Variants in GRIK5 observed in about 807,000 individuals in gnomAD.
The protein encoded by GRIK5 is glutamate receptor ionotropic, kainate 5.
In GRIK5, 43 loss-of-function variants were observed where a neutral mutation model predicts 97.4. That is an observed-to-expected ratio of 0.44 (90% CI 0.35 to 0.57). The LOEUF is 0.57. Ranked by LOEUF, GRIK5 falls within the 20% of genes least tolerant of loss-of-function variation. GRIK5 has a pLI of 0.01. For missense variants in GRIK5, 1,015 were observed against 1,382.0 expected (o/e 0.73, Z 4.21); for synonymous variants, 580 against 583.5 (o/e 0.99, Z 0.09).
chr19:42,066,473 GA>G (rs754077238), intron 1 of GRIK5, among the ~76,000 whole-genome samples: 4,856 of 127,246 alleles, frequency 0.038, 238 homozygotes, highest in African/African-American at 0.12. Context: ...GTAAAAGGGG[GA>G]AAAAAAAAAA....
In GRIK5 at chr19:42,054,397, TCTC is replaced by T; in HGVS notation, c.976_978del (p.Glu326del). On this transcript the variant is annotated inframe_deletion, in exon 9 of 20. Coordinates refer to ENST00000593562, the MANE Select transcript of GRIK5 (RefSeq NM_002088.5). ...GTACAGGCCAGAGGCTTCACACCGA[TCTC>T]CTGGCTGCGGTTCAGCTCTCGGACA... 1 of 1,613,664 alleles carries T rather than the reference TCTC, an allele frequency of 6.2e-7. No individual in the cohort carries two copies. Among genetic ancestry groups the T allele is most frequent in the South Asian group, 1.1e-5 (1 of 91,072 alleles).
chr19:42,005,237 C>CAAAAAAA lies in GRIK5; in HGVS notation c.2263+479_2263+485dup, dbSNP rs56825931. 1.9e-4 allele frequency among the ~76,000 whole-genome samples: 17 copies of CAAAAAAA among 88,644 alleles called. 1 individual carries two copies. The highest frequency in any genetic ancestry group is 2.2e-4 in the Non-Finnish European group (11 of 49,022). The allele number at this position is 88,644 out of a possible 152,430, so 58.2% of individuals were successfully genotyped here. On this transcript the variant is annotated intron_variant, in intron 17 of 19. Coordinates refer to ENST00000593562, the MANE Select transcript of GRIK5 (RefSeq NM_002088.5). ...CGGGCGACAGAGCAAGACTCCGTCT[C>CAAAAAAA]AAAAAAAAAAAAAAAAAAAACAAAA...
chr19:42,062,788 G>A lies in GRIK5; in HGVS notation c.312C>T (p.Ser104=), dbSNP rs758094474. The A allele has an allele frequency of 1.9e-6, 3 of 1,613,954 alleles. No homozygotes were observed. The East Asian group carries it at 6.7e-5, about 36-fold the overall frequency. ...LGPSSSPASA[S]TVSHICGEKE... is the part of the protein sequence containing the mutation. Reference sequence around the variant, plus strand: ...TCTCTCCACAGATATGGCTCACGGTGGAGGCAGATGCTGGGCTAGAGGAGG... The same window carrying A: ...TCTCTCCACAGATATGGCTCACGGTAGAGGCAGATGCTGGGCTAGAGGAGG... The change falls in exon 4 of 20, where the codon TCC becomes TCT. Residue 104 remains serine (S), a synonymous_variant. Coordinates refer to ENST00000593562, the MANE Select transcript of GRIK5 (RefSeq NM_002088.5). This position sits in a 1 kb window ranked among gnomAD's most constrained non-coding sequence, Gnocchi z 5.3.
intron 8 of GRIK5, 78 bp from the exon 9 acceptor site, chr19:42,054,550 CACCCTCAA>C: frequency 6.6e-7 from 1 of 1,515,070 alleles, no homozygotes; most frequent in Non-Finnish European, 9.0e-7. Context: ...CCTGAGCTGC[CACCCTCAA>C]ACCCTCAAAT....
intron 11 of GRIK5, among the ~76,000 whole-genome samples, chr19:42,046,650 A>T (rs2076046762): frequency 6.6e-6 from 1 of 152,190 alleles, no homozygotes; most frequent in Non-Finnish European, 1.5e-5. Context: ...TCTACAAGAT[A>T]TATTAGGAGG....
rs1353773227 is a variant in GRIK5, at chr19:41,998,490, T to A, written c.*381A>T. On this transcript the variant is annotated 3_prime_UTR_variant, in exon 20 of 20. Coordinates refer to ENST00000593562, the MANE Select transcript of GRIK5 (RefSeq NM_002088.5). The stretch of plus-strand genomic sequence containing the variant: ...GTGGAGGGGCACCAGGGGACACCCA[T>A]CTGTCCAGAGGCCCTCCCCACCTCC... 2 of 152,420 alleles carry A rather than the reference T, an allele frequency of 1.3e-5. No homozygotes were observed. The highest frequency in any genetic ancestry group is 4.8e-5 in the African/African-American group (2 of 41,386). 9.4% of individuals were successfully genotyped at this position (152,420 alleles called of 1,614,324 possible). A position where few individuals can be genotyped will look rare whatever the true frequency, so the allele number is the denominator to read the frequency against.
intron 8 of GRIK5, among the ~76,000 whole-genome samples, 191 bp from the exon 9 acceptor site, chr19:42,054,663 A>G (rs564984172): frequency 6.6e-6 from 1 of 152,084 alleles, no homozygotes; most frequent in African/African-American, 2.4e-5. Flanking sequence ...ACAGCGGGGA[A>G]GGTGTGTGTG....
rs146848892 is a variant in GRIK5 at position 42,054,072 on chromosome 19, A to G, written c.1057-143T>C. 4.1e-5 allele frequency: 27 copies of G among 663,640 alleles called. No homozygotes were observed. The South Asian group carries it at 4.7e-4, about 12-fold the overall frequency. The allele number at this position is 663,640 out of a possible 1,614,324, so 41.1% of individuals were successfully genotyped here. ...ACAAGAGAGAGAAGAGGAAGATCACAGTCAAAAGAGCAAGATAACATGCAA... is the reference window on the plus strand; with the variant it reads ...ACAAGAGAGAGAAGAGGAAGATCACGGTCAAAAGAGCAAGATAACATGCAA... On this transcript the variant is annotated intron_variant, in intron 9 of 19. Transcript: ENST00000593562.
intron 12 of GRIK5, among the ~76,000 whole-genome samples, chr19:42,034,518 T>TCC (rs1045634330): frequency 4.6e-5 from 7 of 152,122 alleles, no homozygotes; most frequent in African/African-American, 1.4e-4. Context: ...TCTTTATACA[T>TCC]ATGGGCTCTC....
intron 15 of GRIK5, among the ~76,000 whole-genome samples, chr19:42,014,774 G>A (rs563767224): frequency 2.6e-4 from 39 of 152,104 alleles, no homozygotes; most frequent in Non-Finnish European, 5.1e-4. Flanking sequence ...CACACACTTG[G>A]TCAGGTGTGG....
At chr19:42,039,077 TC>T (rs2075945595) in intron 12 of GRIK5, among the ~76,000 whole-genome samples, 1 of 152,170 alleles carries the variant, frequency 6.6e-6, no homozygotes, top group African/African-American at 2.4e-5. Flanking sequence ...TCTGACGTTC[TC>T]CCGCCTGAGG....
rs759169207 is a variant in GRIK5 at position 42,053,941 on chromosome 19, G to C, written c.1057-12C>G. On this transcript the variant is annotated splice_polypyrimidine_tract_variant and intron_variant, in intron 9 of 19. Coordinates refer to ENST00000593562, the MANE Select transcript of GRIK5 (RefSeq NM_002088.5). ...CCATCATACTCTACCTGGCAGGGTG[G>C]GGAGGTGGGGCAGAGGGAGAGTGCA... is the stretch of plus-strand genomic sequence containing the variant. 2 of 1,587,760 alleles carry C rather than the reference G, an allele frequency of 1.3e-6. No homozygotes were observed. The highest frequency in any genetic ancestry group is 2.2e-5 in the East Asian group (1 of 44,782).
chr19:42,020,945 G>A (rs2146047425), intron 15 of GRIK5, among the ~76,000 whole-genome samples: 1 of 152,202 alleles, frequency 6.6e-6, no homozygotes, highest in South Asian at 2.1e-4. Flanking sequence ...GAGTGCAGTG[G>A]GGAGTTCTCA....
Position 42,021,291 on chromosome 19 carries a change from A to T in GRIK5, c.1871+10T>A. The T allele has an allele frequency of 5.0e-6, 8 of 1,609,560 alleles. No individual in the cohort carries two copies. The highest frequency in any genetic ancestry group is 6.8e-6 in the Non-Finnish European group (8 of 1,178,486). On this transcript the variant is annotated intron_variant, in intron 15 of 19. Coordinates refer to ENST00000593562, the MANE Select transcript of GRIK5 (RefSeq NM_002088.5). This position sits in a 1 kb window ranked among gnomAD's most constrained non-coding sequence, Gnocchi z 4.2. ...TCGCCCCGGGCAGAGGCAGATAGAA[A>T]GCTTCTCACCAGACTCCGCTGACAC... is the stretch of plus-strand genomic sequence containing the variant.
chr19:42,063,979 C>A (rs1026773018), intron 3 of GRIK5, among the ~76,000 whole-genome samples: 2 of 152,188 alleles, frequency 1.3e-5, no homozygotes, highest in African/African-American at 4.8e-5. Context: ...TGGTAAGGGC[C>A]CCACCATTCA....
intron 15 of GRIK5, among the ~76,000 whole-genome samples, chr19:42,015,306 A>C (rs2075611499): frequency 6.6e-6 from 1 of 152,184 alleles, no homozygotes; most frequent in Non-Finnish European, 1.5e-5. Context: ...TACTGGCCCC[A>C]ATGGACCCTT....
chr19:42,050,177 G>A (rs541397502), intron 11 of GRIK5, among the ~76,000 whole-genome samples: 1 of 152,120 alleles, frequency 6.6e-6, no homozygotes, highest in Non-Finnish European at 1.5e-5. Context: ...TGATCCTCCC[G>A]CCTCAGTCTC....
intron 12 of GRIK5, among the ~76,000 whole-genome samples, chr19:42,026,574 T>C (rs1484183892): frequency 2.0e-5 from 3 of 148,740 alleles, no homozygotes. Flanking sequence ...TTATTATTAT[T>C]ATCATTATTT....
intron 15 of GRIK5, among the ~76,000 whole-genome samples, chr19:42,014,936 A>G (rs1415557312): frequency 1.3e-5 from 2 of 152,212 alleles, no homozygotes; most frequent in Non-Finnish European, 2.9e-5. Flanking sequence ...AATAATCTAG[A>G]TGGGCCGAGA....
Sources: gnomAD v4.1 joint callset for allele counts (sites outside exome capture counted in the v4.1 genomes callset) on GRCh38, gnomAD v4.1.1 for gene constraint, Gnocchi (gnomAD v3.1) non-coding constraint, MANE v1.5 for transcripts, NCBI Gene and HGNC (gene_info 2026-07-23, HGNC 2026-07-21) for gene names.